DYDC2: variants seen among roughly 807,000 people sequenced by gnomAD.
DYDC2 encodes DPY30 domain containing 2.
Under a neutral mutation model 18.7 loss-of-function variants are expected in DYDC2, and 19 were observed. The ratio of observed to expected loss-of-function variants is 1.02; its 90% CI spans 0.71 to 1.49. The LOEUF (loss-of-function observed/expected upper bound fraction) is 1.49. Ranked by LOEUF, DYDC2 falls within the 40% of genes most tolerant of loss-of-function variation. The pLI, the probability that DYDC2 is intolerant of heterozygous loss-of-function variation, is 0.00. For synonymous variants in DYDC2, 63 were observed against 67.6 expected, an observed-to-expected ratio of 0.93 and a Z score of 0.34; for missense variants, 179 against 205.1, an observed-to-expected ratio of 0.87 and a Z score of 0.78.
intron 2 of DYDC2, among the ~76,000 whole-genome samples, chr10:80,358,861 C>T (rs1262510047): frequency 6.6e-6 from 1 of 152,128 alleles, no homozygotes; most frequent in Non-Finnish European, 1.5e-5. Context: ...GAGTTCGTTC[C>T]TTTTGATGTT....
rs781391925 is a variant in DYDC2, at chr10:80,363,090, A to G, written c.270+17A>G. 2.5e-6 allele frequency: 4 copies of G among 1,604,854 alleles called. No individual in the cohort carries two copies. In the African/African-American group the frequency reaches 5.3e-5, roughly 21 times the overall value. ...TGTCACAAGGTAGGGAGAAGGACTC[A>G]GCTTTGGGTTGCCACACACATCCCA... On this transcript the variant is annotated intron_variant, in intron 4 of 4. Coordinates refer to ENST00000256039, the MANE Select transcript of DYDC2 (RefSeq NM_032372.6).
chr10:80,351,824 A>C, upstream of DYDC2: 1 of 1,326,466 alleles, frequency 7.5e-7, no homozygotes, highest in Non-Finnish European at 1.1e-6. Context: ...TGGGAAGTTT[A>C]TCAACATTTA....
At chr10:80,358,958 G>A (rs1315123012) in intron 2 of DYDC2, among the ~76,000 whole-genome samples, 1 of 152,178 alleles carries the variant, frequency 6.6e-6, no homozygotes, top group Admixed American at 6.5e-5. Flanking sequence ...GAGTGTTACA[G>A]CTCATAAAGG....
chr10:80,358,937 A>G (rs913407620), intron 2 of DYDC2, among the ~76,000 whole-genome samples: 3 of 152,160 alleles, frequency 2.0e-5, no homozygotes, highest in Non-Finnish European at 2.9e-5. Context: ...GAAGCTGCAG[A>G]CCTTTGCAGT....
At chr10:80,352,388 T>C (rs930754351), upstream of DYDC2, 244 of 1,441,926 alleles carry the variant, frequency 1.7e-4, no homozygotes, top group Non-Finnish European at 2.1e-4. Context: ...TGTTAAACTT[T>C]TTTAAAAGCA....
At chr10:80,363,218 T>C in intron 4 of DYDC2, 145 bp downstream of exon 4, 1 of 694,774 alleles carries the variant, frequency 1.4e-6, no homozygotes. Context: ...TATTCACATA[T>C]TTGCATATAA....
chr10:80,351,368 C>T (rs1286695867), intron 1 of DYDC2, among the ~76,000 whole-genome samples: 3 of 151,346 alleles, frequency 2.0e-5, no homozygotes, highest in Non-Finnish European at 4.4e-5. Flanking sequence ...ATGTCACCCA[C>T]TCACTCCTCC....
At chr10:80,359,014 A>G (rs1843572167) in intron 2 of DYDC2, among the ~76,000 whole-genome samples, 1 of 152,218 alleles carries the variant, frequency 6.6e-6, no homozygotes, top group Non-Finnish European at 1.5e-5. Context: ...TACTACAAAG[A>G]GCAAAAGAAC....
chr10:80,356,870 C>T, intron 1 of DYDC2, 45 bp downstream of exon 1: 2 of 983,744 alleles, frequency 2.0e-6, no homozygotes, highest in Non-Finnish European at 2.4e-6. Context: ...GAACGCGCAG[C>T]AGAGAGGAGA....
In DYDC2 at chr10:80,356,992, G is replaced by A. The variant is rs541185502; in HGVS notation, c.-163+167G>A. Among the ~76,000 whole-genome samples the A allele has an allele frequency of 4.7e-3, 688 of 145,850 alleles. 5 individuals are homozygous for A. Among genetic ancestry groups the A allele is most frequent in the African/African-American group, 0.017 (656 of 39,528 alleles). On this transcript the variant is annotated intron_variant, in intron 1 of 4. Coordinates refer to ENST00000256039, the MANE Select transcript of DYDC2 (RefSeq NM_032372.6). The stretch of plus-strand genomic sequence containing the variant: ...AGTAGGAGCCCGCCGCAGAGTAGAG[G>A]GGGCGCGGCAGAGAGGAGGGGGCGT...
chr10:80,349,079 G>A lies in DYDC2; in HGVS notation c.-310+4264G>A, dbSNP rs6585936. 8.9e-3 allele frequency among the ~76,000 whole-genome samples: 1,357 copies of A among 152,252 alleles called. 17 individuals are homozygous for A. Among genetic ancestry groups the A allele is most frequent in the African/African-American group, 0.031 (1,289 of 41,546 alleles). On this transcript the variant is annotated intron_variant, in intron 1 of 4. Coordinates refer to the DYDC2 transcript ENST00000372197. ...GCTAATTTTTTGTATTTTTAGTAGAGACGGGGTTTCACCGCGTTCGCCAGG... is the reference window on the plus strand; with the variant it reads ...GCTAATTTTTTGTATTTTTAGTAGAAACGGGGTTTCACCGCGTTCGCCAGG...
At chr10:80,361,524 GA>G (rs2132892138) in intron 2 of DYDC2, among the ~76,000 whole-genome samples, 1 of 152,300 alleles carries the variant, frequency 6.6e-6, no homozygotes, top group African/African-American at 2.4e-5. Flanking sequence ...ACTCATTGAT[GA>G]TCCTGCTTTG....
upstream of DYDC2, chr10:80,352,847 A>C (rs1589521263): frequency 1.1e-5 from 4 of 362,466 alleles, no homozygotes; most frequent in East Asian, 1.8e-4. Context: ...TCTCAAGTCC[A>C]AGAGTCAGAA....
intron 2 of DYDC2, among the ~76,000 whole-genome samples, chr10:80,359,803 C>A (rs371985864): frequency 1.1e-3 from 166 of 152,312 alleles, no homozygotes; most frequent in Non-Finnish European, 1.9e-3. Context: ...CCACCAAGCC[C>A]GCGCCCACCC....
chr10:80,363,569 T>C (rs1345474625), intron 4 of DYDC2, among the ~76,000 whole-genome samples: 1 of 151,320 alleles, frequency 6.6e-6, no homozygotes, highest in Non-Finnish European at 1.5e-5. Flanking sequence ...AGGATGGTCT[T>C]GATCTCCTGA....
At chr10:80,357,844 G>A in intron 1 of DYDC2, 49 bp from the exon 2 acceptor site, 3 of 985,526 alleles carry the variant, frequency 3.0e-6, no homozygotes, top group Non-Finnish European at 3.6e-6. Context: ...GGAAGCATGA[G>A]GGCAGGTGGC....
At position 80,346,444 on chromosome 10, in the gene DYDC2, C is replaced by CTTTTTTTTTTTTTTTTTTTTTTTTT. The variant is rs1032729095; in HGVS notation, c.-310+1632_-310+1656dup. ...TCACCAATGTGTGTCTCTTCCCTTTCTTTTTTTTTTTTTTTTTTTTTTTTT... is the reference window on the plus strand; with the variant it reads ...TCACCAATGTGTGTCTCTTCCCTTTCTTTTTTTTTTTTTTTTTTTTTTTTTTTTTTTTTTTTTTTTTTTTTTTTTT... On this transcript the variant is annotated intron_variant, in intron 1 of 4. Coordinates refer to the DYDC2 transcript ENST00000372197. 3.0e-4 allele frequency among the ~76,000 whole-genome samples: 25 copies of CTTTTTTTTTTTTTTTTTTTTTTTTT among 83,360 alleles called. 3 individuals are homozygous for CTTTTTTTTTTTTTTTTTTTTTTTTT. The highest frequency in any genetic ancestry group is 1.1e-3 in the African/African-American group (22 of 20,114). 54.7% of individuals were successfully genotyped at this position (83,360 alleles called of 152,430 possible).
At chr10:80,347,790 C>G (rs1371032634) in intron 1 of DYDC2, among the ~76,000 whole-genome samples, 1 of 152,182 alleles carries the variant, frequency 6.6e-6, no homozygotes, top group Non-Finnish European at 1.5e-5. Context: ...CCTGGGTTCT[C>G]TATTCTGTTC....
chr10:80,360,629 C>T (rs1843635603), intron 2 of DYDC2, among the ~76,000 whole-genome samples: 1 of 152,170 alleles, frequency 6.6e-6, no homozygotes, highest in African/African-American at 2.4e-5. Context: ...TTCTCTTACT[C>T]ATATTTCCAT....
Sources: allele counts gnomAD v4.1 joint callset (sites outside exome capture counted in the v4.1 genomes callset), GRCh38; gene constraint gnomAD v4.1.1; transcripts MANE v1.5; gene names NCBI Gene and HGNC (gene_info 2026-07-23, HGNC 2026-07-21).